The following ARHGEF7 variants were observed in gnomAD, a reference collection of about 807,000 sequenced individuals.
The protein encoded by ARHGEF7 is PAK-interacting exchange factor beta.
A neutral mutation model predicts 109.8 loss-of-function variants in ARHGEF7; 33 were observed. The ratio of observed to expected loss-of-function variants is 0.30; its 90% CI spans 0.23 to 0.40. The LOEUF is 0.40. ARHGEF7 is among the 10% of genes least tolerant of loss of function. ARHGEF7 has a pLI of 1.00. For missense variants in ARHGEF7, 938 were observed against 1,098.5 expected, an observed-to-expected ratio of 0.85 and a Z score of 2.07; for synonymous variants, 458 against 424.6, an observed-to-expected ratio of 1.08 and a Z score of -0.97.
At chr13:111,267,970 G>A (rs573466228) in intron 9 of ARHGEF7, among the ~76,000 whole-genome samples, 5 of 152,146 alleles carry the variant, frequency 3.3e-5, no homozygotes, top group Non-Finnish European at 7.3e-5. Context: ...AAGGGTCCTG[G>A]AATCATATTT....
At position 111,304,456 on chromosome 13, in the gene ARHGEF7, T is replaced by C. The variant is rs548022648; in HGVS notation, c.*1343T>C. ...GAGATACACTTTTCCGTAGAACAAG[T>C]GTTCTATCTTTAAAAACCCAAATTG... On this transcript the variant is annotated 3_prime_UTR_variant, in exon 22 of 22. Coordinates refer to ENST00000646102, the MANE Select transcript of ARHGEF7 (RefSeq NM_001354046.2). The C allele has an allele frequency of 6.6e-6, 1 of 150,786 alleles. No homozygotes were observed. The highest frequency in any genetic ancestry group is 2.1e-4 in the South Asian group (1 of 4,786). The allele number at this position is 150,786 out of a possible 1,614,324, so 9.3% of individuals were successfully genotyped here. A position where few individuals can be genotyped will look rare whatever the true frequency, so the allele number is the denominator to read the frequency against.
rs143223272 is a variant in ARHGEF7, at chr13:111,231,097, G to A, written c.671-2108G>A. On this transcript the variant is annotated intron_variant, in intron 5 of 21. Transcript: ENST00000646102. ...CGAAGTTCACTTCACCGGCACACATGCTGACGTGCGGCTTATGATCGCAGT... is the reference window on the plus strand; with the variant it reads ...CGAAGTTCACTTCACCGGCACACATACTGACGTGCGGCTTATGATCGCAGT... 7.1e-3 allele frequency among the ~76,000 whole-genome samples: 1,088 copies of A among 152,266 alleles called. 12 individuals are homozygous for A. Among genetic ancestry groups the A allele is most frequent in the African/African-American group, 0.025 (1,050 of 41,546 alleles).
intron 2 of ARHGEF7, among the ~76,000 whole-genome samples, chr13:111,155,007 TA>T (rs909350398): frequency 8.6e-5 from 13 of 151,080 alleles, no homozygotes; most frequent in Admixed American, 6.6e-4. Flanking sequence ...GGAAACCAAT[TA>T]AAAAAAAACA....
At chr13:111,174,430 A>G (rs2077917778) in intron 2 of ARHGEF7, among the ~76,000 whole-genome samples, 1 of 152,168 alleles carries the variant, frequency 6.6e-6, no homozygotes, top group South Asian at 2.1e-4. Context: ...CTGCCCACCC[A>G]GCAAGGAAGA....
At chr13:111,278,814 C>G (rs997383316) in intron 13 of ARHGEF7, among the ~76,000 whole-genome samples, 1 of 152,248 alleles carries the variant, frequency 6.6e-6, no homozygotes, top group Non-Finnish European at 1.5e-5. Context: ...GAGGCAGGGG[C>G]CTTCTCTAAC....
chr13:111,292,065 T>G (rs576883158), intron 18 of ARHGEF7, 53 bp from the exon 19 acceptor site: 1 of 1,509,964 alleles, frequency 6.6e-7, no homozygotes, highest in African/African-American at 1.4e-5. Context: ...TTCCTGTCGT[T>G]CTCCTCCTCA....
chr13:111,298,167 A>T (rs1163030951), intron 19 of ARHGEF7, among the ~76,000 whole-genome samples: 4 of 152,260 alleles, frequency 2.6e-5, no homozygotes, highest in Non-Finnish European at 4.4e-5. Context: ...CATGTGGTAT[A>T]AATATCTGAA....
intron 4 of ARHGEF7, among the ~76,000 whole-genome samples, chr13:111,214,353 C>T (rs1304519940): frequency 6.6e-6 from 1 of 152,236 alleles, no homozygotes; most frequent in East Asian, 1.9e-4. Flanking sequence ...TGATCTCGGG[C>T]ACCTGACCTG....
At chr13:111,281,361 G>A (rs2092771617) in intron 15 of ARHGEF7, among the ~76,000 whole-genome samples, 1 of 152,018 alleles carries the variant, frequency 6.6e-6, no homozygotes, top group Non-Finnish European at 1.5e-5. Flanking sequence ...AAGAATGAAT[G>A]ACGATGACAC....
Position 111,115,627 on chromosome 13 carries a change from C to T in ARHGEF7, c.101C>T (p.Ser34Leu), listed in dbSNP as rs1413255015. 1.4e-6 allele frequency: 2 copies of T among 1,401,438 alleles called. No homozygotes were observed. The highest frequency in any genetic ancestry group is 1.5e-5 in the African/African-American group (1 of 66,456). 86.8% of individuals were successfully genotyped at this position (1,401,438 alleles called of 1,614,324 possible). The stretch of plus-strand genomic sequence containing the variant: ...GACCCGGAGGGCTTTCTGCAGGCGT[C>T]GCTGAAGGATGGGGTGGTCCTCTGC... ...ISDPEGFLQASLKDGVVLCRL... is the reference protein window; with the variant it reads ...ISDPEGFLQALLKDGVVLCRL... Residue 34 changes from serine to leucine, a missense_variant, in exon 1 of 22, where the codon TCG becomes TTG. Ser to Leu is a moderately radical substitution (Grantham distance 145). This residue lies in a region of ARHGEF7 where 165 missense variants were observed against 125.8 expected (regional missense o/e 1.31). Coordinates refer to ENST00000646102, the MANE Select transcript of ARHGEF7 (RefSeq NM_001354046.2).
intron 10 of ARHGEF7, among the ~76,000 whole-genome samples, chr13:111,274,450 C>CTG (rs1050170072): frequency 6.6e-6 from 1 of 152,176 alleles, no homozygotes; most frequent in Non-Finnish European, 1.5e-5. Context: ...ATTTTAGATA[C>CTG]TGTATGTGAG....
Position 111,153,919 on chromosome 13 carries a change from C to G in ARHGEF7, c.180C>G (p.Pro60=). ...PGTIEKVYPE[P]RSESECLSNI... is the part of the protein sequence containing the mutation. ...CTGTATTGCAGGTCTACCCCGAGCC[C>G]CGGAGCGAGAGCGAGTGCCTGAGCA... Residue 60 remains proline, a synonymous_variant, in exon 2 of 22, where the codon CCC becomes CCG. Transcript: ENST00000646102. 7.5e-6 allele frequency: 12 copies of G among 1,605,420 alleles called. No individual in the cohort carries two copies. Among genetic ancestry groups the G allele is most frequent in the Non-Finnish European group, 9.3e-6 (11 of 1,177,260 alleles).
chr13:111,165,432 T>G (rs2077051286), intron 2 of ARHGEF7, among the ~76,000 whole-genome samples: 1 of 152,226 alleles, frequency 6.6e-6, no homozygotes. Context: ...CAGCAAGTAC[T>G]GGCAGCACTT....
chr13:111,227,832 C>T (rs1348506516), intron 5 of ARHGEF7, among the ~76,000 whole-genome samples: 1 of 152,236 alleles, frequency 6.6e-6, no homozygotes, highest in Non-Finnish European at 1.5e-5. Flanking sequence ...CCTGATGCCC[C>T]ATTTTGTTCC....
intron 1 of ARHGEF7, chr13:111,116,549 G>A (rs1419117178): frequency 1.5e-5 from 2 of 137,752 alleles, no homozygotes; most frequent in African/African-American, 5.6e-5. Flanking sequence ...TATTCCCAGG[G>A]TGTTTCTTCG....
intron 8 of ARHGEF7, among the ~76,000 whole-genome samples, chr13:111,252,173 A>G (rs776339449): frequency 1.3e-5 from 2 of 152,284 alleles, no homozygotes; most frequent in Non-Finnish European, 2.9e-5. Context: ...ATTATAAAAT[A>G]TCCAGAAGCT....
In ARHGEF7 at chr13:111,258,167, C is replaced by T. The variant is rs1051978619; in HGVS notation, c.951-9381C>T. 1.5e-4 allele frequency among the ~76,000 whole-genome samples: 23 copies of T among 152,006 alleles called. No individual in the cohort carries two copies. The highest frequency in any genetic ancestry group is 3.1e-4 in the Non-Finnish European group (21 of 67,974). On this transcript the variant is annotated intron_variant, in intron 8 of 21. Transcript: ENST00000646102. The surrounding 1 kb of genome is among the most constrained non-coding windows in gnomAD (Gnocchi z 4.4). ...CTGCAGCTCCAGGAGAGACTCCTCC[C>T]ACAACCACAGGCAGTGCAGCCTGCA...
intron 8 of ARHGEF7, among the ~76,000 whole-genome samples, chr13:111,254,130 C>T (rs539847945): frequency 6.6e-6 from 1 of 152,284 alleles, no homozygotes; most frequent in African/African-American, 2.4e-5. Flanking sequence ...ATCTCCAGTC[C>T]TTTACTCAGA....
chr13:111,242,060 C>T (rs188462386), intron 6 of ARHGEF7, among the ~76,000 whole-genome samples: 23 of 152,202 alleles, frequency 1.5e-4, no homozygotes, highest in African/African-American at 4.6e-4. Context: ...ACGGGAATTT[C>T]GTAGAAGGAA....
Sources: allele counts gnomAD v4.1 joint callset (sites outside exome capture counted in the v4.1 genomes callset), GRCh38; gene constraint gnomAD v4.1.1; regional missense constraint gnomAD v4.1.1; non-coding constraint Gnocchi (gnomAD v3.1); transcripts MANE v1.5; gene names NCBI Gene and HGNC (gene_info 2026-07-23, HGNC 2026-07-21).